LARS1: variants seen among roughly 807,000 people sequenced by gnomAD.
LARS1 encodes the protein leucine--tRNA ligase, cytoplasmic.
A neutral mutation model predicts 162.8 loss-of-function variants in LARS1; 100 were observed. The ratio of observed to expected loss-of-function variants is 0.61; its 90% CI spans 0.52 to 0.73. LARS1 has a LOEUF of 0.73. LARS1 is among the 30% of genes least tolerant of loss of function. The pLI is 0.00. For missense variants in LARS1, 1,258 were observed against 1,408.9 expected, an observed-to-expected ratio of 0.89 and a Z score of 1.71; for synonymous variants, 457 against 462.8, an observed-to-expected ratio of 0.99 and a Z score of 0.16.
chr5:146,143,423 C>T lies in LARS1; in HGVS notation c.1866G>A (p.Pro622=), dbSNP rs749237168. 1.1e-5 allele frequency: 17 copies of T among 1,612,218 alleles called. No homozygotes were observed. Among genetic ancestry groups the T allele is most frequent in the African/African-American group, 6.7e-5 (5 of 74,892 alleles). The change falls in exon 19 of 32, where the codon CCG becomes CCA. Residue 622 remains proline (P), a synonymous_variant. Transcript: ENST00000394434. ...GGNLHGQAES[P]LGIRPQQMTK... ...ATCTGTTTACCAACCTAATGCCCAGCGGAGACTCTGCCTGTCCATGCAAGT... is the reference window on the plus strand; with the variant it reads ...ATCTGTTTACCAACCTAATGCCCAGTGGAGACTCTGCCTGTCCATGCAAGT...
chr5:146,164,958 A>T (rs1209164706), intron 5 of LARS1, among the ~76,000 whole-genome samples: 1 of 152,234 alleles, frequency 6.6e-6, no homozygotes, highest in East Asian at 1.9e-4. Context: ...AATTTTGAGG[A>T]TGACAGAATT....
At position 146,143,260 on chromosome 5, in the gene LARS1, T is replaced by C. The variant is rs1034957655; in HGVS notation, c.1877+152A>G. Reference sequence around the variant, plus strand: ...AATAGATGATGACAGTAAGGGGCTATTTATTAATTTTTCCCAGTTCAATAG... The same window carrying C: ...AATAGATGATGACAGTAAGGGGCTACTTATTAATTTTTCCCAGTTCAATAG... On this transcript the variant is annotated intron_variant, in intron 19 of 31. Coordinates refer to ENST00000394434, the MANE Select transcript of LARS1 (RefSeq NM_020117.11). The C allele has an allele frequency of 9.1e-6, 9 of 989,484 alleles. No homozygotes were observed. The African/African-American group carries it at 1.5e-4, about 16-fold the overall frequency. The allele number at this position is 989,484 out of a possible 1,614,324, so 61.3% of individuals were successfully genotyped here.
Position 146,151,985 on chromosome 5 carries a change from G to T in LARS1, c.1302C>A (p.Ile434=). 1.9e-6 allele frequency: 3 copies of T among 1,613,958 alleles called. No individual in the cohort carries two copies. Residue 434 remains isoleucine, a synonymous_variant, in exon 14 of 32, where the codon ATC becomes ATA. Coordinates refer to ENST00000394434, the MANE Select transcript of LARS1 (RefSeq NM_020117.11). Reference sequence around the variant, plus strand: ...CAGCAGAAAGATTTCCAAAACCTGGGATTTCAATGACTGGCACCTGCAGCA... The same window carrying T: ...CAGCAGAAAGATTTCCAAAACCTGGTATTTCAATGACTGGCACCTGCAGCA... ...LPFEPVPVIE[I]PGFGNLSAVT... is the part of the protein sequence containing the mutation.
rs1489534195 is a variant in LARS1, at chr5:146,174,811, T to C, written c.126-2037A>G. Among the ~76,000 whole-genome samples the C allele has an allele frequency of 3.3e-5, 5 of 151,816 alleles. No homozygotes were observed. In the East Asian group the frequency reaches 9.7e-4, roughly 29 times the overall value. On this transcript the variant is annotated intron_variant, in intron 2 of 31. Transcript: ENST00000394434. ...ATATTGAGAAGATTAAGGCCAGGCATGGTGGCTCAAACCTGTAATCCCAAC... is the reference window on the plus strand; with the variant it reads ...ATATTGAGAAGATTAAGGCCAGGCACGGTGGCTCAAACCTGTAATCCCAAC...
chr5:146,129,980 T>C (rs371024015), intron 25 of LARS1, 38 bp downstream of exon 25: 1 of 1,579,732 alleles, frequency 6.3e-7, no homozygotes, highest in Non-Finnish European at 8.6e-7. Flanking sequence ...GAAGCCAAAA[T>C]CAAAACCACT....
intron 15 of LARS1, among the ~76,000 whole-genome samples, chr5:146,148,095 T>C (rs1753099736): frequency 6.6e-6 from 1 of 152,164 alleles, no homozygotes; most frequent in Admixed American, 6.5e-5. Context: ...ATAGAAGACA[T>C]ATTTCAGACA....
At chr5:146,173,473 G>T (rs1289868297) in intron 2 of LARS1, among the ~76,000 whole-genome samples, 3 of 149,808 alleles carry the variant, frequency 2.0e-5, no homozygotes, top group Non-Finnish European at 4.4e-5. Context: ...AGTCCCTCAG[G>T]TAATATAAAA....
chr5:146,171,412 A>G (rs1379160200), intron 4 of LARS1, among the ~76,000 whole-genome samples: 1 of 152,144 alleles, frequency 6.6e-6, no homozygotes, highest in Non-Finnish European at 1.5e-5. Context: ...ATAAAAAGAA[A>G]TAGGATTTAA....
intron 2 of LARS1, among the ~76,000 whole-genome samples, chr5:146,173,619 A>G (rs879841392): frequency 6.6e-6 from 1 of 151,484 alleles, no homozygotes; most frequent in African/African-American, 2.4e-5. Flanking sequence ...GCATGAGCTC[A>G]TGAGCCACCA....
intron 17 of LARS1, 46 bp downstream of exon 17, chr5:146,144,426 A>G (rs1317268526): frequency 6.2e-7 from 1 of 1,600,206 alleles, no homozygotes; most frequent in Non-Finnish European, 8.5e-7. Flanking sequence ...CTGTTTCCAC[A>G]TTTTTCATCT....
At chr5:146,142,071 A>G (rs989392047) in intron 20 of LARS1, among the ~76,000 whole-genome samples, 1 of 152,114 alleles carries the variant, frequency 6.6e-6, no homozygotes, top group African/African-American at 2.4e-5. Context: ...GAGGCAGGAG[A>G]ATCGCTTGAA....
Position 146,143,111 on chromosome 5 carries a change from T to TTATATATA in LARS1, c.1878-35_1878-28dup, listed in dbSNP as rs3840516. On this transcript the variant is annotated intron_variant, in intron 19 of 31. Coordinates refer to ENST00000394434, the MANE Select transcript of LARS1 (RefSeq NM_020117.11). Reference sequence around the variant, plus strand: ...TGTATTAAAAATAAAACAAACTATTTTATATATATATATATGTAATTTCTT... The same window carrying TTATATATA: ...TGTATTAAAAATAAAACAAACTATTTTATATATATATATATATATATATGTAATTTCTT... The TTATATATA allele has an allele frequency of 3.8e-3, 4,138 of 1,076,120 alleles. 9 individuals carry two copies. Among genetic ancestry groups the TTATATATA allele is most frequent in the Admixed American group, 5.5e-3 (185 of 33,858 alleles). 66.7% of individuals were successfully genotyped at this position (1,076,120 alleles called of 1,614,324 possible). A position where few individuals can be genotyped will look rare whatever the true frequency, so the allele number is the denominator to read the frequency against.
At position 146,133,090 on chromosome 5, in the gene LARS1, A is replaced by C. The variant is rs1419516752; in HGVS notation, c.2213-9T>G. The C allele has an allele frequency of 1.2e-6, 2 of 1,611,448 alleles. No individual in the cohort carries two copies. Among genetic ancestry groups the C allele is most frequent in the Non-Finnish European group, 8.5e-7 (1 of 1,178,936 alleles). On this transcript the variant is annotated splice_polypyrimidine_tract_variant and intron_variant, in intron 22 of 31. Coordinates refer to ENST00000394434, the MANE Select transcript of LARS1 (RefSeq NM_020117.11). ...CAGAGCCAAACGCATTCCTGGAAGA[A>C]GAAAAAAAAATTCAATGCATTAAAA... is the stretch of plus-strand genomic sequence containing the variant.
intron 23 of LARS1, chr5:146,132,460 A>G (rs553215154): frequency 2.6e-5 from 4 of 155,254 alleles, no homozygotes; most frequent in African/African-American, 9.6e-5. Context: ...GGATGACTCC[A>G]AAGATATTTA....
At chr5:146,149,511 G>A (rs1056063583) in intron 15 of LARS1, 111 bp downstream of exon 15, 16 of 772,664 alleles carry the variant, frequency 2.1e-5, no homozygotes, top group Non-Finnish European at 3.5e-5. Flanking sequence ...AAAACTGTAT[G>A]ATATTTTTAT....
intron 19 of LARS1, 157 bp downstream of exon 19, chr5:146,143,255 G>A (rs1364882327): frequency 1.1e-6 from 1 of 943,604 alleles, no homozygotes; most frequent in Non-Finnish European, 1.6e-6. Context: ...GACAGTAAGG[G>A]GCTATTTATT....
intron 5 of LARS1, among the ~76,000 whole-genome samples, chr5:146,166,602 T>C (rs1754015435): frequency 1.3e-5 from 2 of 152,174 alleles, no homozygotes; most frequent in South Asian, 4.2e-4. Flanking sequence ...TATCCATGAA[T>C]CCATATGACA....
chr5:146,172,814 A>G, intron 2 of LARS1, 40 bp from the exon 3 acceptor site: 1 of 1,127,834 alleles, frequency 8.9e-7, no homozygotes, highest in Non-Finnish European at 1.2e-6. Context: ...ACAGAAGAAT[A>G]AATGTTAAGT....
chr5:146,174,505 TATATATATATATATCC>T (rs1217208454), intron 2 of LARS1, among the ~76,000 whole-genome samples: 15 of 17,606 alleles, frequency 8.5e-4, no homozygotes, highest in African/African-American at 2.4e-3. Flanking sequence ...TATATCCATA[TATATATATATATATCC>T]ATATATATAT....
Sources: allele counts gnomAD v4.1 joint callset (sites outside exome capture counted in the v4.1 genomes callset), GRCh38; gene constraint gnomAD v4.1.1; transcripts MANE v1.5; gene names NCBI Gene and HGNC (gene_info 2026-07-23, HGNC 2026-07-21).